TIMP3: variants seen among roughly 807,000 people sequenced by gnomAD.
The protein encoded by TIMP3 is metalloproteinase inhibitor 3.
Under a neutral mutation model 30.0 loss-of-function variants are expected in TIMP3, and 11 were observed. That is an observed-to-expected ratio of 0.37 (90% CI 0.23 to 0.61). The LOEUF (loss-of-function observed/expected upper bound fraction) is 0.61. TIMP3 is among the 20% of genes least tolerant of loss of function. The pLI, the probability that TIMP3 is intolerant of heterozygous loss-of-function variation, is 0.70. For missense variants in TIMP3, 181 were observed against 276.8 expected (o/e 0.65, Z 2.45); for synonymous variants, 112 against 111.3 (o/e 1.01, Z -0.04).
At chr22:32,811,892 G>A (rs1215030542) in intron 1 of TIMP3, among the ~76,000 whole-genome samples, 1 of 152,170 alleles carries the variant, frequency 6.6e-6, no homozygotes, top group South Asian at 2.1e-4. Context: ...AAGTCACTAG[G>A]GTAGCCAAAG....
At chr22:32,843,446 G>A (rs1399705511) in intron 1 of TIMP3, among the ~76,000 whole-genome samples, 3 of 152,190 alleles carry the variant, frequency 2.0e-5, no homozygotes, top group Non-Finnish European at 4.4e-5. Flanking sequence ...CAGGAAAAAG[G>A]CTTGCTTGGC....
chr22:32,852,385 C>T (rs1369478437), intron 2 of TIMP3, among the ~76,000 whole-genome samples: 1 of 152,156 alleles, frequency 6.6e-6, no homozygotes, highest in Non-Finnish European at 1.5e-5. Context: ...GGTTTATCAT[C>T]CAGCAGTGTA....
chr22:32,805,064 G>A (rs1324156066), intron 1 of TIMP3, among the ~76,000 whole-genome samples: 1 of 152,156 alleles, frequency 6.6e-6, no homozygotes, highest in African/African-American at 2.4e-5. Flanking sequence ...TTCTGCAAAG[G>A]TGGCTGGCAG....
chr22:32,801,983 A>AGCG lies in TIMP3; in HGVS notation c.-13_-11dup. 1 of 1,581,958 alleles carries AGCG rather than the reference A, an allele frequency of 6.3e-7. No homozygotes were observed. The highest frequency in any genetic ancestry group is 8.5e-7 in the Non-Finnish European group (1 of 1,171,046). On this transcript the variant is annotated 5_prime_UTR_variant, in exon 1 of 5. Coordinates refer to ENST00000266085, the MANE Select transcript of TIMP3 (RefSeq NM_000362.5). This position sits in a 1 kb window ranked among gnomAD's most constrained non-coding sequence, Gnocchi z 4.7. ...TGGAGAGGCGAGCAGCAGCCCCGGC[A>AGCG]GCGGCGGCAGCAGCGGCAATGACCC...
rs2047770896 is a variant in TIMP3, at chr22:32,837,551, T to G, written c.122-11901T>G. On this transcript the variant is annotated intron_variant, in intron 1 of 4. Coordinates refer to ENST00000266085, the MANE Select transcript of TIMP3 (RefSeq NM_000362.5). This position sits in a 1 kb window ranked among gnomAD's most constrained non-coding sequence, Gnocchi z 4.1. ...GGGTACGGCGGGAGACAGAGATGCA[T>G]GAAATACTAACGTTGAAGATTAGAA... Among the ~76,000 whole-genome samples, 1 of 151,910 alleles carries G rather than the reference T, an allele frequency of 6.6e-6. No individual in the cohort carries two copies. The highest frequency in any genetic ancestry group is 6.6e-5 in the Admixed American group (1 of 15,266).
intron 1 of TIMP3, among the ~76,000 whole-genome samples, chr22:32,814,502 C>T (rs910028915): frequency 2.6e-5 from 4 of 152,048 alleles, no homozygotes; most frequent in South Asian, 2.1e-4. Flanking sequence ...CTTTTTCTAA[C>T]GGAGAAAGAC....
chr22:32,834,998 G>A (rs767087342), intron 1 of TIMP3, among the ~76,000 whole-genome samples: 12 of 152,184 alleles, frequency 7.9e-5, no homozygotes, highest in South Asian at 2.1e-4. Context: ...TGTGACCTCC[G>A]ACCTGTCAGT....
chr22:32,815,129 A>G (rs1001848210), intron 1 of TIMP3, among the ~76,000 whole-genome samples: 2 of 152,236 alleles, frequency 1.3e-5, no homozygotes, highest in African/African-American at 4.8e-5. Flanking sequence ...TCAAGATAAC[A>G]TTTGCAAAGG....
intron 1 of TIMP3, among the ~76,000 whole-genome samples, chr22:32,827,885 A>T (rs1053557212): frequency 2.0e-5 from 3 of 152,022 alleles, no homozygotes; most frequent in African/African-American, 7.2e-5. Flanking sequence ...CCAGATACTC[A>T]CTGGCTGGCC....
At chr22:32,829,267 G>A (rs149648843) in intron 1 of TIMP3, among the ~76,000 whole-genome samples, 3 of 152,220 alleles carry the variant, frequency 2.0e-5, no homozygotes, top group African/African-American at 4.8e-5. Flanking sequence ...TCGTGATCAC[G>A]CCTGGTGGCT....
chr22:32,817,168 T>G (rs1198289505), intron 1 of TIMP3, among the ~76,000 whole-genome samples: 1 of 151,522 alleles, frequency 6.6e-6, no homozygotes, highest in East Asian at 1.9e-4. Flanking sequence ...CAGTGAGCCA[T>G]GATTGTACCA....
chr22:32,814,359 A>AAGAG lies in TIMP3; in HGVS notation c.121+12240_121+12241insGAGA, dbSNP rs1467726118. ...AGAAAGAGAAAGAAAGAGAGAAAGA[A>AAGAG]AGAAAGAAAGAAAGAGATTGGTTTG... On this transcript the variant is annotated intron_variant, in intron 1 of 4. Coordinates refer to ENST00000266085, the MANE Select transcript of TIMP3 (RefSeq NM_000362.5). 8.8e-3 allele frequency among the ~76,000 whole-genome samples: 1,328 copies of AAGAG among 151,476 alleles called. 21 individuals carry two copies. The highest frequency in any genetic ancestry group is 0.03 in the African/African-American group (1,240 of 41,080).
At chr22:32,840,081 C>G (rs762528060) in intron 1 of TIMP3, among the ~76,000 whole-genome samples, 6 of 152,108 alleles carry the variant, frequency 3.9e-5, no homozygotes, top group Non-Finnish European at 7.4e-5. Context: ...TACTGAGAAA[C>G]AGGAATCTCT....
At position 32,802,114 on chromosome 22, in the gene TIMP3, C is replaced by G. The variant is rs1270675463; in HGVS notation, c.113C>G (p.Ser38Cys). The stretch of plus-strand genomic sequence containing the variant: ...CACCCCCAGGACGCCTTCTGCAACT[C>G]CGACATCGGTAAGCGCTCCTGGTGC... Reference protein sequence around the residue: ...PSHPQDAFCNSDIVIRAKVVG... With the variant: ...PSHPQDAFCNCDIVIRAKVVG... Residue 38 changes from serine to cysteine, a missense_variant, in exon 1 of 5, where the codon TCC (serine) becomes TGC (cysteine). Around this residue, in one of 3 missense-constraint regions of TIMP3, gnomAD observed 71 missense variants for 79.7 expected, o/e 0.89. Coordinates refer to ENST00000266085, the MANE Select transcript of TIMP3 (RefSeq NM_000362.5). The G allele has an allele frequency of 2.5e-6, 4 of 1,582,802 alleles. No homozygotes were observed. Among genetic ancestry groups the G allele is most frequent in the Non-Finnish European group, 3.4e-6 (4 of 1,170,186 alleles).
chr22:32,807,121 T>A (rs1033022330), intron 1 of TIMP3, among the ~76,000 whole-genome samples: 1 of 150,322 alleles, frequency 6.7e-6, no homozygotes, highest in Non-Finnish European at 1.5e-5. Context: ...CTGGCTTTCC[T>A]CCCACCACAT....
intron 1 of TIMP3, among the ~76,000 whole-genome samples, chr22:32,826,500 A>G (rs1415845121): frequency 5.3e-5 from 8 of 152,208 alleles, no homozygotes; most frequent in East Asian, 1.9e-4. Context: ...GCATGGAGAA[A>G]GTAGAAAACC....
intron 1 of TIMP3, among the ~76,000 whole-genome samples, chr22:32,804,003 C>T (rs977577958): frequency 7.2e-5 from 11 of 152,126 alleles, no homozygotes; most frequent in African/African-American, 1.7e-4. Context: ...AGGTTTCCTG[C>T]GGTGGGTCTG....
At chr22:32,831,605 A>G (rs2047576312) in intron 1 of TIMP3, among the ~76,000 whole-genome samples, 1 of 152,220 alleles carries the variant, frequency 6.6e-6, no homozygotes, top group Non-Finnish European at 1.5e-5. Flanking sequence ...TTGAAGGCAG[A>G]AGCCCTTATC....
At chr22:32,847,699 GTGTT>G (rs1328544042) in intron 1 of TIMP3, among the ~76,000 whole-genome samples, 1 of 152,214 alleles carries the variant, frequency 6.6e-6, no homozygotes, top group Non-Finnish European at 1.5e-5. Flanking sequence ...GTGTGTGTGT[GTGTT>G]TGTGTTTGTG....
Sources: allele counts gnomAD v4.1 joint callset (sites outside exome capture counted in the v4.1 genomes callset), GRCh38; gene constraint gnomAD v4.1.1; regional missense constraint gnomAD v4.1.1; non-coding constraint Gnocchi (gnomAD v3.1); transcripts MANE v1.5; gene names NCBI Gene and HGNC (gene_info 2026-07-23, HGNC 2026-07-21).